Variants in NCAM1 observed in about 807,000 individuals in gnomAD.
NCAM1 encodes antigen recognized by monoclonal antibody 5.1H11.
A neutral mutation model predicts 109.8 loss-of-function variants in NCAM1; 14 were observed. That is an observed-to-expected ratio of 0.13 (90% CI 0.08 to 0.20). NCAM1 has a LOEUF of 0.20. NCAM1 is among the 10% of genes least tolerant of loss of function. The pLI, the probability that NCAM1 is intolerant of heterozygous loss-of-function variation, is 1.00. For synonymous variants in NCAM1, 418 were observed against 442.9 expected (o/e 0.94, Z 0.70); for missense variants, 774 against 1,109.9 (o/e 0.70, Z 4.30).
At chr11:113,251,448 T>C (rs782482216) in intron 15 of NCAM1, among the ~76,000 whole-genome samples, 7 of 152,226 alleles carry the variant, frequency 4.6e-5, no homozygotes, top group Non-Finnish European at 7.3e-5. Context: ...GAGAATTTCA[T>C]AGGACCTGCC....
chr11:112,989,941 C>T (rs1288595833), intron 1 of NCAM1, among the ~76,000 whole-genome samples: 2 of 152,214 alleles, frequency 1.3e-5, no homozygotes, highest in Admixed American at 6.5e-5. Flanking sequence ...ACTTAATCCA[C>T]AATTGTCCTG....
chr11:113,107,367 G>A (rs555215011), intron 1 of NCAM1, among the ~76,000 whole-genome samples: 26 of 152,274 alleles, frequency 1.7e-4, no homozygotes, highest in South Asian at 4.1e-4. Context: ...CAGGCTTTTC[G>A]AGTAAGTATT....
At chr11:113,084,375 A>G (rs1938984495) in intron 1 of NCAM1, among the ~76,000 whole-genome samples, 1 of 152,210 alleles carries the variant, frequency 6.6e-6, no homozygotes, top group African/African-American at 2.4e-5. Context: ...ATAGATACAG[A>G]AACTGGGCTC....
intron 1 of NCAM1, among the ~76,000 whole-genome samples, chr11:113,072,615 C>G (rs1292832292): frequency 6.6e-6 from 1 of 152,160 alleles, no homozygotes; most frequent in East Asian, 1.9e-4. Flanking sequence ...CCAACCTCAT[C>G]TGGTGCACAT....
chr11:113,068,919 G>A (rs1938118278), intron 1 of NCAM1, among the ~76,000 whole-genome samples: 1 of 152,048 alleles, frequency 6.6e-6, no homozygotes. Context: ...GGAGAGAAGG[G>A]GTATCTGGCT....
chr11:113,240,402 A>G (rs772151127), intron 14 of NCAM1: 11 of 222,400 alleles, frequency 4.9e-5, no homozygotes, highest in Non-Finnish European at 8.7e-5. Flanking sequence ...GCCAATGTCT[A>G]TTTTCTCCTT....
At chr11:113,050,805 A>G (rs1188809921) in intron 1 of NCAM1, among the ~76,000 whole-genome samples, 1 of 152,246 alleles carries the variant, frequency 6.6e-6, no homozygotes, top group Non-Finnish European at 1.5e-5. Flanking sequence ...ATGGTAATAA[A>G]TATATTTTAT....
chr11:113,272,773 C>A (rs1946309982), intron 19 of NCAM1, among the ~76,000 whole-genome samples: 1 of 152,142 alleles, frequency 6.6e-6, no homozygotes, highest in Non-Finnish European at 1.5e-5. Flanking sequence ...TGTGCTTCCT[C>A]TCAGCATCCT....
chr11:113,017,321 T>C (rs782285090), intron 1 of NCAM1, among the ~76,000 whole-genome samples: 41 of 152,216 alleles, frequency 2.7e-4, no homozygotes, highest in Non-Finnish European at 5.1e-4. Context: ...TGTTTAGACA[T>C]GAACAAACTT....
At chr11:113,076,402 G>C (rs1299782384) in intron 1 of NCAM1, among the ~76,000 whole-genome samples, 1 of 152,118 alleles carries the variant, frequency 6.6e-6, no homozygotes, top group Non-Finnish European at 1.5e-5. Context: ...CATAGCCATG[G>C]CCCCTCTAGG....
At position 113,277,541 on chromosome 11, in the gene NCAM1, C is replaced by G; in HGVS notation, c.*2154C>G. 5.0e-6 allele frequency: 2 copies of G among 398,014 alleles called. No individual in the cohort carries two copies. The highest frequency in any genetic ancestry group is 8.9e-6 in the Non-Finnish European group (2 of 225,964). The allele number at this position is 398,014 out of a possible 1,614,324, so 24.7% of individuals were successfully genotyped here. ...GGAGGGCCCAGCAGTGAGGGGCAGG[C>G]TCTTCTGGTCACCAGGCTGTTCAGT... On this transcript the variant is annotated 3_prime_UTR_variant, in exon 20 of 20. Coordinates refer to ENST00000316851, the MANE Select transcript of NCAM1 (RefSeq NM_181351.5).
intron 17 of NCAM1, chr11:113,263,738 A>T: frequency 1.0e-6 from 1 of 985,510 alleles, no homozygotes. Flanking sequence ...GTGGTTCAGC[A>T]GTGACCCACA....
At chr11:112,967,156 C>T (rs10891483) in intron 1 of NCAM1, among the ~76,000 whole-genome samples, 17,245 of 152,126 alleles carry the variant, frequency 0.11, 1,140 homozygotes, top group East Asian at 0.31. Flanking sequence ...GCTGATCTTC[C>T]GTTTTCTATT....
At chr11:113,205,904 C>A in intron 4 of NCAM1, 139 bp from the exon 5 acceptor site, 1 of 1,165,522 alleles carries the variant, frequency 8.6e-7, no homozygotes, top group Non-Finnish European at 1.2e-6. Flanking sequence ...TATTTCAAAG[C>A]CAGGGACGCA....
At chr11:113,007,761 T>G (rs1468668117) in intron 1 of NCAM1, among the ~76,000 whole-genome samples, 2 of 152,218 alleles carry the variant, frequency 1.3e-5, no homozygotes, top group Admixed American at 6.5e-5. Context: ...TCTTACCAGA[T>G]GCTGCATTGC....
intron 8 of NCAM1, among the ~76,000 whole-genome samples, chr11:113,217,477 G>A (rs1239562161): frequency 6.6e-6 from 1 of 152,034 alleles, no homozygotes; most frequent in Non-Finnish European, 1.5e-5. Context: ...TCTTATACGA[G>A]ATAGTTTCAG....
intron 1 of NCAM1, among the ~76,000 whole-genome samples, chr11:112,989,328 C>A (rs1016736614): frequency 6.6e-6 from 1 of 152,004 alleles, no homozygotes; most frequent in Non-Finnish European, 1.5e-5. Flanking sequence ...CTATAATTGG[C>A]TAATTTCAGA....
chr11:113,003,567 C>T (rs1443270837), intron 1 of NCAM1, among the ~76,000 whole-genome samples: 6 of 152,066 alleles, frequency 3.9e-5, no homozygotes, highest in South Asian at 4.1e-4. Flanking sequence ...TCAGATTTAT[C>T]TTATGATTAT....
At chr11:113,019,210 A>C (rs1555075822) in intron 1 of NCAM1, among the ~76,000 whole-genome samples, 2 of 152,086 alleles carry the variant, frequency 1.3e-5, no homozygotes, top group Non-Finnish European at 2.9e-5. Flanking sequence ...ACCTTAATCC[A>C]GTTGTGTTGT....
Sources: gnomAD v4.1 joint callset for allele counts (sites outside exome capture counted in the v4.1 genomes callset) on GRCh38, gnomAD v4.1.1 for gene constraint, MANE v1.5 for transcripts, NCBI Gene and HGNC (gene_info 2026-07-23, HGNC 2026-07-21) for gene names.